The following ERCC8 variants were observed in gnomAD, a reference collection of about 807,000 sequenced individuals.
ERCC8 encodes the protein DNA excision repair protein ERCC-8.
Under a neutral mutation model 54.9 loss-of-function variants are expected in ERCC8, and 52 were observed. The observed-to-expected ratio is 0.95, with a 90% confidence interval of 0.76 to 1.19. The LOEUF (loss-of-function observed/expected upper bound fraction) is 1.19. Ranked by LOEUF, ERCC8 falls within the 50% of genes most tolerant of loss-of-function variation. The pLI, the probability that ERCC8 is intolerant of heterozygous loss-of-function variation, is 0.00. For synonymous variants in ERCC8, 146 were observed against 157.2 expected (o/e 0.93, Z 0.53); for missense variants, 514 against 466.1 (o/e 1.10, Z -0.95).
At chr5:60,912,958 G>A (rs1380153622) in intron 4 of ERCC8, among the ~76,000 whole-genome samples, 1 of 152,082 alleles carries the variant, frequency 6.6e-6, no homozygotes, top group Non-Finnish European at 1.5e-5. Context: ...GATCATGGTG[G>A]ATAAGCTTTT....
rs767533851 is a variant in ERCC8, at chr5:60,904,866, T to A, written c.407A>T (p.Asp136Val). Residue 136 changes from aspartate to valine, a missense_variant, in exon 5 of 12, where the codon GAT becomes GTT. Physicochemically the swap from Asp to Val is radical, Grantham distance 152 (BLOSUM62 -3). Coordinates refer to ENST00000676185, the MANE Select transcript of ERCC8 (RefSeq NM_000082.4). Reference protein sequence around the residue: ...VWDTNTLQTADVFNFEETVYS... With the variant: ...VWDTNTLQTAVVFNFEETVYS... ...AACTGTTTCCTCAAAATTAAATACA[T>A]CTGCAGTCTGGTAATCAAAAGACAT... is the stretch of plus-strand genomic sequence containing the variant. The A allele has an allele frequency of 1.3e-6, 2 of 1,504,594 alleles. No homozygotes were observed. Among genetic ancestry groups the A allele is most frequent in the African/African-American group, 1.4e-5 (1 of 72,900 alleles). The allele number at this position is 1,504,594 out of a possible 1,614,324, so 93.2% of individuals were successfully genotyped here. A position where few individuals can be genotyped will look rare whatever the true frequency, so the allele number is the denominator to read the frequency against.
intron 4 of ERCC8, among the ~76,000 whole-genome samples, chr5:60,908,018 A>G (rs1749130426): frequency 6.6e-6 from 1 of 152,138 alleles, no homozygotes; most frequent in South Asian, 2.1e-4. Flanking sequence ...CCATTGTATC[A>G]TATATTCCTG....
intron 10 of ERCC8, among the ~76,000 whole-genome samples, chr5:60,887,889 CAT>C (rs926509630): frequency 1.2e-4 from 19 of 152,142 alleles, no homozygotes; most frequent in African/African-American, 4.6e-4. Flanking sequence ...GTGAAGAAAC[CAT>C]ATGAGCGTCT....
At chr5:60,892,294 C>T (rs1168609005) in intron 9 of ERCC8, 1 of 557,330 alleles carries the variant, frequency 1.8e-6, no homozygotes, top group African/African-American at 1.9e-5. Flanking sequence ...AATGGAGCAA[C>T]TTGATCTCCA....
Position 60,898,205 on chromosome 5 carries a change from A to T in ERCC8, c.843+71T>A, listed in dbSNP as rs970508873. 3.0e-4 allele frequency: 442 copies of T among 1,489,270 alleles called. 3 individuals are homozygous for T. The highest frequency in any genetic ancestry group is 3.5e-4 in the Middle Eastern group (2 of 5,772). The allele number at this position is 1,489,270 out of a possible 1,614,324, so 92.3% of individuals were successfully genotyped here. ...AAGGGAATAAATGAGTTAAATATAT[A>T]AAAAAATCAAGTGTATGTCACAGAT... is the stretch of plus-strand genomic sequence containing the variant. On this transcript the variant is annotated intron_variant, in intron 9 of 11. Coordinates refer to ENST00000676185, the MANE Select transcript of ERCC8 (RefSeq NM_000082.4).
chr5:60,941,982 G>A lies in ERCC8; in HGVS notation c.77+2950C>T, dbSNP rs531049695. The stretch of plus-strand genomic sequence containing the variant: ...GACAACAATATATATATGGTGCAGG[G>A]GAAAGGGTGATAAGGTTTCTATATG... On this transcript the variant is annotated intron_variant, in intron 1 of 11. Coordinates refer to ENST00000676185, the MANE Select transcript of ERCC8 (RefSeq NM_000082.4). Among the ~76,000 whole-genome samples, 3 of 152,212 alleles carry A rather than the reference G, an allele frequency of 2.0e-5. No individual in the cohort carries two copies. The South Asian group carries it at 6.2e-4, about 32-fold the overall frequency.
chr5:60,868,112 G>A lies in ERCC8; in HGVS notation c.*6503C>T, dbSNP rs550708385. 2.6e-4 allele frequency among the ~76,000 whole-genome samples: 39 copies of A among 152,262 alleles called. No individual in the cohort carries two copies. Among genetic ancestry groups the A allele is most frequent in the East Asian group, 3.9e-4 (2 of 5,176 alleles). ...GGAGAATCGCTTGAACCCAGGAGGC[G>A]GAGGTTGCGGTGAGCTGAGGTCACA... is the stretch of plus-strand genomic sequence containing the variant. On this transcript the variant is annotated 3_prime_UTR_variant, in exon 12 of 12. Transcript: ENST00000676185.
At chr5:60,895,788 C>CT (rs1748707182) in intron 9 of ERCC8, among the ~76,000 whole-genome samples, 1 of 152,142 alleles carries the variant, frequency 6.6e-6, no homozygotes, top group African/African-American at 2.4e-5. Flanking sequence ...CTGTGATGGC[C>CT]TTATTCACAT....
intron 9 of ERCC8, chr5:60,891,981 C>T: frequency 1.9e-6 from 1 of 530,330 alleles, no homozygotes; most frequent in Non-Finnish European, 3.8e-6. Context: ...GGGCAGACAT[C>T]ATGGAATCAG....
chr5:60,884,523 G>GTTTTTTTTTTTTTT (rs71606648), intron 11 of ERCC8, among the ~76,000 whole-genome samples: 1 of 128,128 alleles, frequency 7.8e-6, no homozygotes, highest in Non-Finnish European at 1.6e-5. Context: ...GTGTGTATGT[G>GTTTTTTTTTTTTTT]TTTTTTTTTT....
At chr5:60,905,862 T>C (rs1406695327) in intron 4 of ERCC8, among the ~76,000 whole-genome samples, 3 of 152,120 alleles carry the variant, frequency 2.0e-5, no homozygotes, top group East Asian at 3.9e-4. Context: ...AAAGGTAGTT[T>C]GGGGGAAGGG....
At chr5:60,894,548 A>G (rs563964421) in intron 9 of ERCC8, among the ~76,000 whole-genome samples, 1 of 152,276 alleles carries the variant, frequency 6.6e-6, no homozygotes, top group Admixed American at 6.5e-5. Flanking sequence ...TTTGGGACAA[A>G]AATTAAAATT....
chr5:60,929,851 CTGT>C (rs768343436), intron 1 of ERCC8, among the ~76,000 whole-genome samples: 128 of 152,046 alleles, frequency 8.4e-4, no homozygotes, highest in Non-Finnish European at 2.4e-4. Flanking sequence ...AATCTGTTGG[CTGT>C]TATTAGCATC....
At chr5:60,901,951 C>T (rs1171273665) in intron 7 of ERCC8, among the ~76,000 whole-genome samples, 5 of 151,816 alleles carry the variant, frequency 3.3e-5, no homozygotes, top group Admixed American at 6.6e-5. Flanking sequence ...TCTGGATGCC[C>T]TGTAATCACT....
chr5:60,937,754 T>C (rs1409949900), intron 1 of ERCC8, among the ~76,000 whole-genome samples: 1 of 152,184 alleles, frequency 6.6e-6, no homozygotes, highest in Non-Finnish European at 1.5e-5. Flanking sequence ...GTTCCTTGGC[T>C]GTCCCACAGT....
rs375433291 is a variant in ERCC8 at position 60,867,188 on chromosome 5, A to G, written c.*7427T>C. ...AGAAGGAAAAAAAATATCCAAATGT[A>G]TATGTTTCCTTGGTAGTGACCTAAG... On this transcript the variant is annotated 3_prime_UTR_variant, in exon 12 of 12. Transcript: ENST00000676185. Among the ~76,000 whole-genome samples the G allele has an allele frequency of 1.3e-5, 2 of 152,066 alleles. No individual in the cohort carries two copies. The highest frequency in any genetic ancestry group is 4.8e-5 in the African/African-American group (2 of 41,388).
chr5:60,925,152 G>A (rs1749709592), intron 2 of ERCC8, among the ~76,000 whole-genome samples: 1 of 151,998 alleles, frequency 6.6e-6, no homozygotes, highest in Admixed American at 6.6e-5. Flanking sequence ...TAGAATGGAG[G>A]CTTGACTTAC....
intron 1 of ERCC8, among the ~76,000 whole-genome samples, chr5:60,940,870 C>G (rs1427128810): frequency 6.6e-6 from 1 of 152,146 alleles, no homozygotes; most frequent in Non-Finnish European, 1.5e-5. Flanking sequence ...TCAAAATGTC[C>G]AGGATGCAAA....
chr5:60,903,487 A>C, intron 6 of ERCC8, 161 bp downstream of exon 6: 1 of 1,228,606 alleles, frequency 8.1e-7, no homozygotes, highest in Non-Finnish European at 1.1e-6. Flanking sequence ...TCAGTTTTAT[A>C]AGAATAATGC....
Sources: gnomAD v4.1 joint callset for allele counts (sites outside exome capture counted in the v4.1 genomes callset) on GRCh38, gnomAD v4.1.1 for gene constraint, MANE v1.5 for transcripts, NCBI Gene and HGNC (gene_info 2026-07-23, HGNC 2026-07-21) for gene names.